Variants in DCC observed in about 807,000 individuals in gnomAD.
The protein encoded by DCC is netrin receptor DCC.
In DCC, 58 loss-of-function variants were observed where a neutral mutation model predicts 172.5. The ratio of observed to expected loss-of-function variants is 0.34; its 90% CI spans 0.27 to 0.42. The LOEUF (loss-of-function observed/expected upper bound fraction) is 0.42, where lower values mean the gene tolerates loss of function less well. Among genes scored for constraint, DCC ranks in the 10% least tolerant of loss-of-function variants. DCC has a pLI of 1.00. For synonymous variants in DCC, 709 were observed against 644.5 expected (o/e 1.10, Z -1.52); for missense variants, 1,740 against 1,791.0 (o/e 0.97, Z 0.51).
At chr18:53,119,843 C>T (rs2043458627) in intron 7 of DCC, among the ~76,000 whole-genome samples, 1 of 151,756 alleles carries the variant, frequency 6.6e-6, no homozygotes, top group Non-Finnish European at 1.5e-5. Context: ...GGATCATTTT[C>T]TTACTGACTT....
At chr18:52,951,958 G>T (rs1169927590) in intron 5 of DCC, among the ~76,000 whole-genome samples, 1 of 152,112 alleles carries the variant, frequency 6.6e-6, no homozygotes, top group Non-Finnish European at 1.5e-5. Flanking sequence ...TATGATATGG[G>T]GCAGTATTTT....
At chr18:52,488,205 ACT>A (rs2030326789) in intron 1 of DCC, among the ~76,000 whole-genome samples, 1 of 151,898 alleles carries the variant, frequency 6.6e-6, no homozygotes, top group Admixed American at 6.6e-5. Flanking sequence ...TTTTTTGCAG[ACT>A]CTTCTTTGAT....
intron 2 of DCC, among the ~76,000 whole-genome samples, chr18:52,815,804 A>C (rs1312425517): frequency 1.3e-5 from 2 of 152,246 alleles, no homozygotes. Context: ...AGGACATGTT[A>C]TATAAATATC....
chr18:52,765,556 C>A (rs567686358), intron 2 of DCC, among the ~76,000 whole-genome samples: 92 of 152,302 alleles, frequency 6.0e-4, no homozygotes, highest in Non-Finnish European at 6.6e-4. Context: ...CTAGGAGAGG[C>A]TCCATCTTCT....
chr18:53,215,446 T>A (rs1205752894), intron 11 of DCC, 102 bp from the exon 12 acceptor site: 1 of 968,366 alleles, frequency 1.0e-6, no homozygotes, highest in Admixed American at 1.7e-5. Flanking sequence ...ATTATCATTA[T>A]AAACTATATA....
chr18:52,340,750 T>C lies in DCC; in HGVS notation c.-38T>C. The C allele has an allele frequency of 1.3e-6, 2 of 1,516,914 alleles. No homozygotes were observed. The highest frequency in any genetic ancestry group is 4.5e-5 in the East Asian group (2 of 44,360). The allele number at this position is 1,516,914 out of a possible 1,614,324, so 94.0% of individuals were successfully genotyped here. ...AGTGCATGTGTGTGAGTGCTGCCGC[T>C]GCCCGCGACCCCTGGCCCCGAAGGT... On this transcript the variant is annotated 5_prime_UTR_variant, in exon 1 of 29. Coordinates refer to ENST00000442544, the MANE Select transcript of DCC (RefSeq NM_005215.4).
chr18:53,157,104 C>G (rs925095149), intron 7 of DCC, among the ~76,000 whole-genome samples: 1 of 152,122 alleles, frequency 6.6e-6, no homozygotes, highest in South Asian at 2.1e-4. Flanking sequence ...GTCATAGATC[C>G]CATGGGTAAT....
At chr18:52,712,859 A>G (rs1394148478) in intron 1 of DCC, among the ~76,000 whole-genome samples, 1 of 152,184 alleles carries the variant, frequency 6.6e-6, no homozygotes, top group Non-Finnish European at 1.5e-5. Flanking sequence ...CTGAGTGTGT[A>G]GAGTTGCTGA....
chr18:52,679,480 A>T (rs766741334), intron 1 of DCC, among the ~76,000 whole-genome samples: 1 of 152,150 alleles, frequency 6.6e-6, no homozygotes, highest in Non-Finnish European at 1.5e-5. Context: ...GTGTATATTC[A>T]TATAGCCCCC....
At chr18:53,075,893 C>A (rs1362231757) in intron 7 of DCC, among the ~76,000 whole-genome samples, 1 of 152,148 alleles carries the variant, frequency 6.6e-6, no homozygotes, top group Admixed American at 6.5e-5. Flanking sequence ...CTATTTCCCT[C>A]CTGCTACCCG....
At chr18:53,026,659 G>C (rs533855866) in intron 5 of DCC, among the ~76,000 whole-genome samples, 1 of 152,058 alleles carries the variant, frequency 6.6e-6, no homozygotes, top group Non-Finnish European at 1.5e-5. Context: ...GGGCTCAAGC[G>C]AGCCTCCTTC....
intron 1 of DCC, among the ~76,000 whole-genome samples, chr18:52,570,241 T>C (rs917663369): frequency 6.6e-6 from 1 of 152,332 alleles, no homozygotes; most frequent in East Asian, 1.9e-4. Flanking sequence ...GATTATCTGC[T>C]GTGGCTTGCT....
chr18:53,355,524 CT>C (rs1307309218), intron 15 of DCC, among the ~76,000 whole-genome samples: 1 of 152,088 alleles, frequency 6.6e-6, no homozygotes, highest in African/African-American at 2.4e-5. Flanking sequence ...GTATTTCATT[CT>C]CTTTGAAGCA....
At chr18:53,464,979 C>CAAAAAAAAA (rs71179510) in intron 24 of DCC, among the ~76,000 whole-genome samples, 2 of 54,848 alleles carry the variant, frequency 3.6e-5, no homozygotes, top group Admixed American at 2.3e-4. Flanking sequence ...AACTCAATCT[C>CAAAAAAAAA]AAAAAAAAAA....
Position 52,595,500 on chromosome 18 carries a change from C to T in DCC, c.92-156554C>T, listed in dbSNP as rs184902478. ...AAACTGAACTTGCTCATTATAGACA[C>T]ATTTATTATGCCTACTGCTCTAAGA... On this transcript the variant is annotated intron_variant, in intron 1 of 28. Coordinates refer to ENST00000442544, the MANE Select transcript of DCC (RefSeq NM_005215.4). 1.3e-3 allele frequency among the ~76,000 whole-genome samples: 203 copies of T among 152,252 alleles called. 1 individual carries two copies. The highest frequency in any genetic ancestry group is 4.5e-3 in the African/African-American group (189 of 41,564).
intron 21 of DCC, among the ~76,000 whole-genome samples, chr18:53,417,314 G>A (rs1263583254): frequency 2.0e-5 from 3 of 152,100 alleles, no homozygotes; most frequent in Admixed American, 2.0e-4. Flanking sequence ...CATGGCTAGG[G>A]GTTTACGTGG....
intron 12 of DCC, among the ~76,000 whole-genome samples, chr18:53,261,367 G>C (rs73957130): frequency 0.048 from 7,298 of 152,222 alleles, 618 homozygotes; most frequent in African/African-American, 0.17. Context: ...AGGACGTTTT[G>C]TGTCCTCTTC....
At chr18:52,880,481 C>G (rs953427752) in intron 2 of DCC, among the ~76,000 whole-genome samples, 1 of 152,050 alleles carries the variant, frequency 6.6e-6, no homozygotes, top group Non-Finnish European at 1.5e-5. Flanking sequence ...TTTTGTATCC[C>G]GTAACCATCC....
Position 53,353,753 on chromosome 18 carries a change from C to G in DCC, c.2359+13846C>G, listed in dbSNP as rs529371246. Among the ~76,000 whole-genome samples, 3 of 152,206 alleles carry G rather than the reference C, an allele frequency of 2.0e-5. No homozygotes were observed. The East Asian group carries it at 5.8e-4, about 29-fold the overall frequency. ...ATATATTACCTTGTTTCCAACAAAA[C>G]TATTGCACTTGTTCTTTTTTTTTAT... On this transcript the variant is annotated intron_variant, in intron 15 of 28. Coordinates refer to ENST00000442544, the MANE Select transcript of DCC (RefSeq NM_005215.4).
Sources: gnomAD v4.1 joint callset for allele counts (sites outside exome capture counted in the v4.1 genomes callset) on GRCh38, gnomAD v4.1.1 for gene constraint, MANE v1.5 for transcripts, NCBI Gene and HGNC (gene_info 2026-07-23, HGNC 2026-07-21) for gene names.